ATP8B4: variants seen among roughly 807,000 people sequenced by gnomAD.
The protein encoded by ATP8B4 is probable phospholipid-transporting ATPase IM.
In ATP8B4, 133 loss-of-function variants were observed where a neutral mutation model predicts 145.6. The ratio of observed to expected loss-of-function variants is 0.91; its 90% confidence interval spans 0.79 to 1.05. ATP8B4 has a LOEUF of 1.05. Ranked by LOEUF, ATP8B4 falls within the 50% of genes least tolerant of loss-of-function variation. The pLI is 0.00. For synonymous variants in ATP8B4, 507 were observed against 492.9 expected (o/e 1.03, Z -0.38); for missense variants, 1,458 against 1,425.2 (o/e 1.02, Z -0.37).
intron 16 of ATP8B4, 78 bp from the exon 17 acceptor site, chr15:49,923,572 C>A: frequency 1.9e-6 from 2 of 1,028,528 alleles, no homozygotes; most frequent in Non-Finnish European, 2.8e-6. Context: ...GAGCTCCAGC[C>A]TGGCAATTTG....
chr15:49,900,425 T>C (rs1214747400), intron 21 of ATP8B4, among the ~76,000 whole-genome samples: 1 of 152,234 alleles, frequency 6.6e-6, no homozygotes, highest in Admixed American at 6.5e-5. Flanking sequence ...TAATTCCTTG[T>C]GCATATAAAT....
chr15:49,946,353 T>C (rs1275080134), intron 14 of ATP8B4, among the ~76,000 whole-genome samples: 2 of 152,238 alleles, frequency 1.3e-5, no homozygotes, highest in Admixed American at 6.5e-5. Context: ...TGCATTCATT[T>C]TGAATATAAT....
intron 9 of ATP8B4, among the ~76,000 whole-genome samples, 200 bp downstream of exon 9, chr15:49,996,477 G>A (rs1040051883): frequency 4.6e-5 from 7 of 152,064 alleles, no homozygotes; most frequent in Admixed American, 6.6e-5. Flanking sequence ...TGAAATGAAC[G>A]ATAAACTGAT....
chr15:50,093,785 A>G (rs1334314924), intron 2 of ATP8B4, among the ~76,000 whole-genome samples: 8 of 152,146 alleles, frequency 5.3e-5, no homozygotes, highest in Non-Finnish European at 1.0e-4. Context: ...TTTAAAGTAA[A>G]AAAATGTGAA....
intron 13 of ATP8B4, among the ~76,000 whole-genome samples, chr15:49,965,796 CA>C (rs1488453901): frequency 3.9e-5 from 6 of 152,070 alleles, no homozygotes; most frequent in African/African-American, 1.4e-4. Context: ...TTCAGCACTA[CA>C]AAACAGAATC....
At chr15:49,962,816 T>C (rs2044196296) in intron 13 of ATP8B4, among the ~76,000 whole-genome samples, 1 of 152,174 alleles carries the variant, frequency 6.6e-6, no homozygotes, top group Admixed American at 6.6e-5. Context: ...TAGTAGCCCA[T>C]GATTATAGAT....
At chr15:49,907,484 T>G (rs539690834) in intron 20 of ATP8B4, among the ~76,000 whole-genome samples, 1 of 152,112 alleles carries the variant, frequency 6.6e-6, no homozygotes, top group South Asian at 2.1e-4. Context: ...ATTGGGGAAA[T>G]AGTTACAAAA....
chr15:50,100,733 T>C (rs2056301466), intron 2 of ATP8B4, among the ~76,000 whole-genome samples: 1 of 152,172 alleles, frequency 6.6e-6, no homozygotes, highest in African/African-American at 2.4e-5. Context: ...AAGAAGTGAC[T>C]GGCCTCAGCT....
At chr15:50,171,915 GT>G (rs1011773599) in intron 1 of ATP8B4, among the ~76,000 whole-genome samples, 1 of 152,080 alleles carries the variant, frequency 6.6e-6, no homozygotes, top group Non-Finnish European at 1.5e-5. Context: ...AATGCAAAAG[GT>G]CATTCAAGGC....
intron 9 of ATP8B4, among the ~76,000 whole-genome samples, chr15:49,990,873 T>A (rs1156846816): frequency 2.0e-5 from 3 of 152,136 alleles, no homozygotes; most frequent in Non-Finnish European, 4.4e-5. Context: ...AGCCAAGAGT[T>A]TTTTTAGCGT....
chr15:49,862,425 T>C (rs778097060), intron 26 of ATP8B4, 50 bp from the exon 27 acceptor site: 1 of 1,574,978 alleles, frequency 6.3e-7, no homozygotes. Flanking sequence ...TAGGACTGAA[T>C]TATTAATTAA....
At chr15:50,010,701 T>A (rs2048665013) in intron 7 of ATP8B4, 144 bp downstream of exon 7, 1 of 494,738 alleles carries the variant, frequency 2.0e-6, no homozygotes, top group Non-Finnish European at 3.4e-6. Context: ...TTAAAATATT[T>A]TATAATTGAG....
At chr15:50,142,497 C>G (rs2153679968) in intron 1 of ATP8B4, among the ~76,000 whole-genome samples, 1 of 152,214 alleles carries the variant, frequency 6.6e-6, no homozygotes, top group South Asian at 2.1e-4. Context: ...CTAGATTTAA[C>G]CCTACGGATC....
At chr15:49,928,616 A>G (rs2040953192) in intron 16 of ATP8B4, among the ~76,000 whole-genome samples, 1 of 152,034 alleles carries the variant, frequency 6.6e-6, no homozygotes, top group Non-Finnish European at 1.5e-5. Context: ...AGCATAGAGG[A>G]TTATTTTAAA....
chr15:49,897,477 A>G lies in ATP8B4; in HGVS notation c.2512T>C (p.Leu838=), dbSNP rs750007618. The change falls in exon 23 of 28, where the codon TTG becomes CTG. Residue 838 remains leucine, a synonymous_variant. Coordinates refer to ENST00000284509, the MANE Select transcript of ATP8B4 (RefSeq NM_024837.4). ...IGVGISGQEG[L]QAVLASDYSF... is the part of the protein sequence containing the mutation. ...TAGTCGCTGGCTAAGACTGCTTGCAATCCTTCCTGGCCGCTGATGCCAACA... is the reference window on the plus strand; with the variant it reads ...TAGTCGCTGGCTAAGACTGCTTGCAGTCCTTCCTGGCCGCTGATGCCAACA... 6.3e-7 allele frequency: 1 copy of G among 1,585,036 alleles called. No homozygotes were observed. Among genetic ancestry groups the G allele is most frequent in the Non-Finnish European group, 8.6e-7 (1 of 1,164,766 alleles).
At chr15:50,030,043 T>C (rs2050315968) in intron 6 of ATP8B4, among the ~76,000 whole-genome samples, 1 of 152,228 alleles carries the variant, frequency 6.6e-6, no homozygotes, top group Admixed American at 6.5e-5. Context: ...GTAGACAACC[T>C]TTGAGCTCTG....
intron 23 of ATP8B4, among the ~76,000 whole-genome samples, chr15:49,893,913 A>G (rs147022463): frequency 6.6e-6 from 1 of 152,372 alleles, no homozygotes; most frequent in African/African-American, 2.4e-5. Flanking sequence ...CATAGTAAGT[A>G]CTATTTAAAT....
At chr15:49,972,454 T>A in intron 13 of ATP8B4, 128 bp downstream of exon 13, 1 of 781,234 alleles carries the variant, frequency 1.3e-6, no homozygotes, top group Non-Finnish European at 2.0e-6. Flanking sequence ...ATATGGTAGA[T>A]GCTGACGGTG....
intron 6 of ATP8B4, among the ~76,000 whole-genome samples, chr15:50,018,482 G>C (rs1206724963): frequency 1.3e-5 from 2 of 152,148 alleles, no homozygotes; most frequent in Non-Finnish European, 2.9e-5. Context: ...ATATAAGTCT[G>C]GCTCTTAAAT....
Sources: allele counts gnomAD v4.1 joint callset (sites outside exome capture counted in the v4.1 genomes callset), GRCh38; gene constraint gnomAD v4.1.1; transcripts MANE v1.5; gene names NCBI Gene and HGNC (gene_info 2026-07-23, HGNC 2026-07-21).